CDC14A: variants seen among roughly 807,000 people sequenced by gnomAD.
CDC14A encodes the protein cell division cycle 14A.
CDC14A carries 53 observed loss-of-function variants against 74.4 expected under a neutral mutation model. The observed-to-expected ratio is 0.71, with a 90% confidence interval of 0.57 to 0.89. CDC14A has a LOEUF of 0.89. Among genes scored for constraint, CDC14A ranks in the 40% least tolerant of loss-of-function variants. CDC14A has a pLI of 0.00. For synonymous variants in CDC14A, 247 were observed against 258.4 expected (o/e 0.96, Z 0.43); for missense variants, 646 against 713.7 (o/e 0.91, Z 1.08).
intron 11 of CDC14A, among the ~76,000 whole-genome samples, chr1:100,487,319 G>C (rs1670120882): frequency 6.6e-6 from 1 of 152,196 alleles, no homozygotes; most frequent in Non-Finnish European, 1.5e-5. Context: ...GGCACTCTGG[G>C]AGGCTGAGGC....
At chr1:100,461,394 GA>G (rs1220739001) in intron 8 of CDC14A, among the ~76,000 whole-genome samples, 1 of 152,210 alleles carries the variant, frequency 6.6e-6, no homozygotes, top group African/African-American at 2.4e-5. Flanking sequence ...AAGGCAGCAA[GA>G]AATACAGCCA....
Position 100,405,720 on chromosome 1 carries a change from T to C in CDC14A, c.309+14896T>C, listed in dbSNP as rs139072900. 7.9e-5 allele frequency among the ~76,000 whole-genome samples: 12 copies of C among 152,388 alleles called. No individual in the cohort carries two copies. In the East Asian group the frequency reaches 2.3e-3, roughly 29 times the overall value. ...CAAAGGACATGATCTTGTTTCTTTT[T>C]ATAGCTGCATAGTATTCCATGGTGT... On this transcript the variant is annotated intron_variant, in intron 4 of 15. Coordinates refer to ENST00000336454, the MANE Select transcript of CDC14A (RefSeq NM_003672.4).
intron 15 of CDC14A, among the ~76,000 whole-genome samples, chr1:100,507,293 G>T (rs1049031159): frequency 4.6e-5 from 7 of 152,304 alleles, no homozygotes; most frequent in Admixed American, 4.6e-4. Context: ...AGCTTCTGTG[G>T]TTGAAGAATA....
chr1:100,450,589 C>T (rs1222397592), intron 7 of CDC14A, among the ~76,000 whole-genome samples: 1 of 152,190 alleles, frequency 6.6e-6, no homozygotes, highest in Non-Finnish European at 1.5e-5. Flanking sequence ...GTGTTCATTA[C>T]ACCACTCCAA....
chr1:100,383,551 G>A (rs1018984831), intron 3 of CDC14A: 2 of 152,614 alleles, frequency 1.3e-5, no homozygotes, highest in African/African-American at 2.4e-5. Flanking sequence ...AGGAAGACCT[G>A]CTCATTTTAT....
rs1004030474 is a variant in CDC14A, at chr1:100,388,460, A to G, written c.217-2272A>G. ...ACCTTTACATCCCTAGGTAACTTCA[A>G]TGCATCAACTCAACTGAGCTGAATT... On this transcript the variant is annotated intron_variant, in intron 3 of 15. Coordinates refer to ENST00000336454, the MANE Select transcript of CDC14A (RefSeq NM_003672.4). 6.6e-5 allele frequency among the ~76,000 whole-genome samples: 10 copies of G among 152,218 alleles called. 1 individual carries two copies. In the South Asian group the frequency reaches 1.2e-3, roughly 19 times the overall value.
intron 2 of CDC14A, among the ~76,000 whole-genome samples, chr1:100,363,451 GATCACAATTA>G (rs1653084581): frequency 3.9e-5 from 6 of 152,166 alleles, no homozygotes; most frequent in Non-Finnish European, 7.4e-5. Flanking sequence ...TCTGGTAAAT[GATCACAATTA>G]TTTGTTGTTG....
chr1:100,350,572 T>G (rs1459189870), upstream of CDC14A, among the ~76,000 whole-genome samples: 1 of 152,146 alleles, frequency 6.6e-6, no homozygotes, highest in Non-Finnish European at 1.5e-5. Context: ...TGTAAATTCA[T>G]TTTGGAAAAT....
At chr1:100,452,539 C>G (rs1263469700) in intron 7 of CDC14A, among the ~76,000 whole-genome samples, 1 of 152,066 alleles carries the variant, frequency 6.6e-6, no homozygotes, top group South Asian at 2.1e-4. Context: ...TGTAAAAATT[C>G]ATGTTTTTTA....
At chr1:100,412,708 A>AT (rs1209770760) in intron 4 of CDC14A, among the ~76,000 whole-genome samples, 25 of 99,068 alleles carry the variant, frequency 2.5e-4, no homozygotes, top group South Asian at 1.5e-3. Flanking sequence ...ATATATATAT[A>AT]TATATATATA....
At chr1:100,431,132 T>C (rs1663621100) in intron 5 of CDC14A, among the ~76,000 whole-genome samples, 1 of 152,190 alleles carries the variant, frequency 6.6e-6, no homozygotes, top group Non-Finnish European at 1.5e-5. Flanking sequence ...CTTGTTAAAG[T>C]GCTAAGTAAG....
chr1:100,424,556 C>T (rs915873574), intron 5 of CDC14A, among the ~76,000 whole-genome samples: 1 of 152,126 alleles, frequency 6.6e-6, no homozygotes, highest in Non-Finnish European at 1.5e-5. Context: ...ATGTCAAGCA[C>T]AAAAAGTGCC....
intron 8 of CDC14A, among the ~76,000 whole-genome samples, chr1:100,458,347 AC>A (rs1557780877): frequency 6.6e-6 from 1 of 152,240 alleles, no homozygotes; most frequent in Non-Finnish European, 1.5e-5. Context: ...CTCTTTAAAA[AC>A]ATCATATAAT....
At chr1:100,351,999 T>TGC (rs1377116044), upstream of CDC14A, among the ~76,000 whole-genome samples, 26 of 131,320 alleles carry the variant, frequency 2.0e-4, no homozygotes, top group Middle Eastern at 3.8e-3. Context: ...TGTGTGTGTG[T>TGC]GTGTGCGCGC....
chr1:100,408,307 C>T (rs1179939476), intron 4 of CDC14A, among the ~76,000 whole-genome samples: 1 of 152,158 alleles, frequency 6.6e-6, no homozygotes, highest in Non-Finnish European at 1.5e-5. Context: ...TTTAAATATC[C>T]ATTCTACCAT....
At chr1:100,347,271 C>T (rs918714159) in intron 1 of CDC14A, among the ~76,000 whole-genome samples, 8 of 151,936 alleles carry the variant, frequency 5.3e-5, no homozygotes, top group African/African-American at 1.7e-4. Flanking sequence ...CTCTTTTTTT[C>T]TCTTTTATTT....
At position 100,484,452 on chromosome 1, in the gene CDC14A, G is replaced by A; in HGVS notation, c.1137+1G>A. 6.3e-7 allele frequency: 1 copy of A among 1,594,450 alleles called. No homozygotes were observed. Among genetic ancestry groups the A allele is most frequent in the Non-Finnish European group, 8.5e-7 (1 of 1,173,014 alleles). On this transcript the variant is annotated splice_donor_variant, in intron 11 of 15. Coordinates refer to ENST00000336454, the MANE Select transcript of CDC14A (RefSeq NM_003672.4). LOFTEE classifies it high-confidence loss of function. ...ACAAAACATGGAACGATTTGGAGAG[G>A]TAAGTTTTCCCTAGGAGATTCTATC...
At chr1:100,391,032 T>G (rs1657629265) in intron 4 of CDC14A, 2 of 595,542 alleles carry the variant, frequency 3.4e-6, no homozygotes, top group Non-Finnish European at 6.1e-6. Context: ...AATGAGAGAA[T>G]CTTGAAACTG....
At chr1:100,385,337 C>T (rs1557702441) in intron 3 of CDC14A, among the ~76,000 whole-genome samples, 1 of 152,200 alleles carries the variant, frequency 6.6e-6, no homozygotes, top group Non-Finnish European at 1.5e-5. Flanking sequence ...TGTAAATTCT[C>T]AGGCCCTACT....
Sources: allele counts gnomAD v4.1 joint callset (sites outside exome capture counted in the v4.1 genomes callset), GRCh38; gene constraint gnomAD v4.1.1; transcripts MANE v1.5; gene names NCBI Gene and HGNC (gene_info 2026-07-23, HGNC 2026-07-21).